DPP6: variants seen among roughly 807,000 people sequenced by gnomAD.
DPP6 encodes the protein A-type potassium channel modulatory protein DPP6.
A neutral mutation model predicts 122.6 loss-of-function variants in DPP6; 69 were observed. The ratio of observed to expected loss-of-function variants is 0.56; its 90% CI spans 0.46 to 0.69. The LOEUF (loss-of-function observed/expected upper bound fraction) is 0.69. Ranked by LOEUF, DPP6 falls within the 30% of genes least tolerant of loss-of-function variation. The pLI, the probability that DPP6 is intolerant of heterozygous loss-of-function variation, is 0.00. For missense variants in DPP6, 928 were observed against 1,116.9 expected (o/e 0.83, Z 2.41); for synonymous variants, 418 against 433.1 (o/e 0.97, Z 0.43).
chr7:154,149,812 G>A (rs186193984), intron 1 of DPP6, among the ~76,000 whole-genome samples: 1 of 152,052 alleles, frequency 6.6e-6, no homozygotes, highest in African/African-American at 2.4e-5. Context: ...TGGGGAAGCC[G>A]GGATTGTGGA....
chr7:154,295,349 G>A (rs1206213893), intron 1 of DPP6, among the ~76,000 whole-genome samples: 2 of 152,154 alleles, frequency 1.3e-5, no homozygotes, highest in African/African-American at 4.8e-5. Context: ...TTACACCCAA[G>A]CTATCCATCA....
chr7:154,668,381 C>T (rs773648707), intron 6 of DPP6, among the ~76,000 whole-genome samples: 74 of 150,780 alleles, frequency 4.9e-4, no homozygotes, highest in Middle Eastern at 6.9e-3. Context: ...CCACCGCGCC[C>T]GACTAATTTT....
At chr7:154,679,993 A>T (rs1355582527) in intron 7 of DPP6, among the ~76,000 whole-genome samples, 2 of 152,176 alleles carry the variant, frequency 1.3e-5, no homozygotes, top group African/African-American at 4.8e-5. Flanking sequence ...GTTTTTGGTA[A>T]TTAATAGGAA....
At chr7:154,727,663 A>G (rs1482711203) in intron 7 of DPP6, 104 bp from the exon 8 acceptor site, 9 of 1,436,838 alleles carry the variant, frequency 6.3e-6, no homozygotes, top group Non-Finnish European at 8.3e-6. Flanking sequence ...AATAAATACA[A>G]CAGGAAAATG....
At chr7:154,246,720 A>C (rs1802006116) in intron 1 of DPP6, among the ~76,000 whole-genome samples, 1 of 152,226 alleles carries the variant, frequency 6.6e-6, no homozygotes, top group African/African-American at 2.4e-5. Flanking sequence ...AAGAGTCCAG[A>C]ATTAGACATA....
chr7:153,877,914 A>G, the DPP6 span, among the ~76,000 whole-genome samples: 1 of 152,196 alleles, frequency 6.6e-6, no homozygotes, highest in South Asian at 2.1e-4. Flanking sequence ...ACAAATAAAG[A>G]TATTAAAAGT....
At chr7:153,819,048 C>T in the DPP6 span, among the ~76,000 whole-genome samples, 1 of 64,384 alleles carries the variant, frequency 1.6e-5, no homozygotes, top group Non-Finnish European at 2.6e-5. Context: ...CCGCGCCTGG[C>T]CTTTTTTTTT....
chr7:154,303,952 C>A (rs1360544549), intron 1 of DPP6, among the ~76,000 whole-genome samples: 1 of 152,134 alleles, frequency 6.6e-6, no homozygotes, highest in Non-Finnish European at 1.5e-5. Flanking sequence ...TGGAAAGGGG[C>A]TGAACAAGGG....
At chr7:154,702,203 G>A (rs1412142750) in intron 7 of DPP6, among the ~76,000 whole-genome samples, 1 of 152,204 alleles carries the variant, frequency 6.6e-6, no homozygotes, top group Non-Finnish European at 1.5e-5. Flanking sequence ...TCCACAAACA[G>A]GCCATTTCCC....
chr7:154,832,101 C>T (rs533039399), intron 16 of DPP6, among the ~76,000 whole-genome samples: 2 of 152,334 alleles, frequency 1.3e-5, no homozygotes, highest in East Asian at 3.9e-4. Flanking sequence ...TGTACCAGCA[C>T]TTCATTTCCC....
chr7:153,962,821 A>G (rs942576954), intron 1 of DPP6, among the ~76,000 whole-genome samples: 1 of 152,246 alleles, frequency 6.6e-6, no homozygotes. Flanking sequence ...TTTTAGCAGT[A>G]TAAGACTGTA....
chr7:154,315,622 G>A (rs10255910), intron 1 of DPP6, among the ~76,000 whole-genome samples: 11,054 of 152,132 alleles, frequency 0.073, 729 homozygotes, highest in African/African-American at 0.17. Flanking sequence ...TCACCTCTGG[G>A]GGGCTGTGCT....
intron 3 of DPP6, among the ~76,000 whole-genome samples, chr7:154,493,827 T>A (rs1824496892): frequency 6.6e-6 from 1 of 152,190 alleles, no homozygotes. Context: ...GCAGGGAGTT[T>A]TGTTTTGATT....
intron 17 of DPP6, among the ~76,000 whole-genome samples, chr7:154,862,984 G>A (rs1179367473): frequency 1.3e-5 from 2 of 151,798 alleles, no homozygotes; most frequent in African/African-American, 2.4e-5. Flanking sequence ...TTTCTTTTTT[G>A]ACCTCCTGGG....
chr7:154,258,771 A>T (rs1014106954), intron 1 of DPP6, among the ~76,000 whole-genome samples: 1 of 152,210 alleles, frequency 6.6e-6, no homozygotes, highest in African/African-American at 2.4e-5. Flanking sequence ...ATACAAAATC[A>T]CACCAATAAA....
chr7:154,749,431 C>CGGGA (rs1843229421), intron 8 of DPP6, among the ~76,000 whole-genome samples: 1 of 140,704 alleles, frequency 7.1e-6, no homozygotes, highest in Non-Finnish European at 1.5e-5. Context: ...GAGCATAGGA[C>CGGGA]AGGAGGGAGA....
At chr7:154,453,275 G>A (rs1162988805) in intron 2 of DPP6, among the ~76,000 whole-genome samples, 1 of 151,220 alleles carries the variant, frequency 6.6e-6, no homozygotes, top group Non-Finnish European at 1.5e-5. Flanking sequence ...TCAATGAGAA[G>A]CCTTGAATAA....
At chr7:154,082,460 A>C (rs1209720326) in intron 1 of DPP6, among the ~76,000 whole-genome samples, 1 of 152,062 alleles carries the variant, frequency 6.6e-6, no homozygotes, top group Non-Finnish European at 1.5e-5. Context: ...GCTGAGAGTC[A>C]AATCCCAGTT....
intron 1 of DPP6, among the ~76,000 whole-genome samples, chr7:153,924,818 A>G (rs1161351726): frequency 6.6e-6 from 1 of 152,224 alleles, no homozygotes; most frequent in East Asian, 1.9e-4. Context: ...TTAGAGCAGC[A>G]GCCCAAGTGC....
Sources: allele counts gnomAD v4.1 joint callset (sites outside exome capture counted in the v4.1 genomes callset), GRCh38; gene constraint gnomAD v4.1.1; transcripts MANE v1.5; gene names NCBI Gene and HGNC (gene_info 2026-07-23, HGNC 2026-07-21).